WDR64: variants seen among roughly 807,000 people sequenced by gnomAD.
The protein encoded by WDR64 is WD repeat-containing protein 64.
A neutral mutation model predicts 139.3 loss-of-function variants in WDR64; 112 were observed. The observed-to-expected ratio is 0.80, with a 90% CI of 0.69 to 0.94. WDR64 has a LOEUF of 0.94. Among genes scored for constraint, WDR64 ranks in the 40% least tolerant of loss-of-function variants. The pLI is 0.00. For synonymous variants in WDR64, 444 were observed against 437.7 expected (o/e 1.01, Z -0.18); for missense variants, 1,206 against 1,293.1 (o/e 0.93, Z 1.03).
chr1:241,679,603 G>A lies in WDR64; in HGVS notation c.624+8G>A, dbSNP rs1666696705. Reference sequence around the variant, plus strand: ...GCTCAAGGGAGCAGCCAGGTATTGTGCCAAGAGAAATACTCAAAGAAATGA... The same window carrying A: ...GCTCAAGGGAGCAGCCAGGTATTGTACCAAGAGAAATACTCAAAGAAATGA... On this transcript the variant is annotated splice_region_variant and intron_variant, in intron 6 of 27. Transcript: ENST00000437684. 3 of 1,549,766 alleles carry A rather than the reference G, an allele frequency of 1.9e-6. No individual in the cohort carries two copies. Among genetic ancestry groups the A allele is most frequent in the Non-Finnish European group, 2.6e-6 (3 of 1,145,378 alleles).
chr1:241,801,853 A>G lies in WDR64; in HGVS notation c.*638A>G, dbSNP rs1574106467. The stretch of plus-strand genomic sequence containing the variant: ...TAACATGGTAGATTTAACCTTAAAT[A>G]TATCAATAATTATGAAACCTTTAAT... On this transcript the variant is annotated 3_prime_UTR_variant, in exon 28 of 28. Transcript: ENST00000437684. 8 of 398,252 alleles carry G rather than the reference A, an allele frequency of 2.0e-5. No individual in the cohort carries two copies. Among genetic ancestry groups the G allele is most frequent in the African/African-American group, 1.0e-4 (5 of 48,750 alleles). 24.7% of individuals were successfully genotyped at this position (398,252 alleles called of 1,614,324 possible).
At chr1:241,712,232 G>A (rs970960567) in intron 9 of WDR64, among the ~76,000 whole-genome samples, 3 of 151,942 alleles carry the variant, frequency 2.0e-5, no homozygotes, top group Non-Finnish European at 2.9e-5. Flanking sequence ...ATGTGTGTGC[G>A]TGTGCCTTTT....
chr1:241,663,594 T>C (rs1665918709), intron 2 of WDR64, among the ~76,000 whole-genome samples: 1 of 152,264 alleles, frequency 6.6e-6, no homozygotes, highest in Admixed American at 6.5e-5. Flanking sequence ...AGCATTGTTA[T>C]GGACCCCTGG....
At position 241,741,591 on chromosome 1, in the gene WDR64, G is replaced by T. The variant is rs150454119; in HGVS notation, c.1397G>T (p.Arg466Leu). ...AAACAGGTTCCTCACACTCATGAAC[G>T]AGAAATCAATGTCATGCTTTACAAC... ...DTKQVPHTHEREINVMLYNKY... is the reference protein window; with the variant it reads ...DTKQVPHTHELEINVMLYNKY... Residue 466 changes from arginine (R) to leucine (L), a missense_variant, in exon 12 of 28, where the codon CGA (arginine) becomes CTA (leucine). By Grantham distance (102) the Arg-to-Leu change is moderately radical (BLOSUM62 -2). Transcript: ENST00000437684. The T allele has an allele frequency of 2.5e-6, 4 of 1,613,318 alleles. No individual in the cohort carries two copies. The highest frequency in any genetic ancestry group is 2.5e-6 in the Non-Finnish European group (3 of 1,179,816).
chr1:241,668,667 T>C (rs2148068730), intron 2 of WDR64, among the ~76,000 whole-genome samples: 1 of 151,970 alleles, frequency 6.6e-6, no homozygotes. Flanking sequence ...TCCCAGCACT[T>C]TGGGAGGCTG....
At chr1:241,746,236 G>T (rs2148254501) in intron 13 of WDR64, among the ~76,000 whole-genome samples, 1 of 152,198 alleles carries the variant, frequency 6.6e-6, no homozygotes, top group East Asian at 1.9e-4. Flanking sequence ...TGTCGAGCAG[G>T]ATTCGAGCTG....
In WDR64 at chr1:241,687,549, A is replaced by T; in HGVS notation, c.928A>T (p.Asn310Tyr). ...NCFGSCSLDS[N>Y]HSLVLESLKR... ...TTTTGGATCCTGCTCCTTAGACAGT[A>T]ATCATTCATTAGTTTTGGAATCCTT... Residue 310 changes from asparagine (N) to tyrosine (Y), a missense_variant, in exon 8 of 28, where the codon AAT becomes TAT. Coordinates refer to ENST00000437684, the MANE Select transcript of WDR64 (RefSeq NM_001367482.1). 1 of 1,613,752 alleles carries T rather than the reference A, an allele frequency of 6.2e-7. No individual in the cohort carries two copies. Among genetic ancestry groups the T allele is most frequent in the African/African-American group, 1.3e-5 (1 of 75,024 alleles).
intron 9 of WDR64, among the ~76,000 whole-genome samples, chr1:241,713,407 GAGGA>G (rs1668263813): frequency 7.6e-6 from 1 of 131,344 alleles, no homozygotes; most frequent in African/African-American, 2.8e-5. Flanking sequence ...GGGAGGGAGG[GAGGA>G]AGGGAAGGAA....
At chr1:241,744,682 T>C (rs1669685480) in intron 13 of WDR64, among the ~76,000 whole-genome samples, 166 bp downstream of exon 13, 1 of 152,212 alleles carries the variant, frequency 6.6e-6, no homozygotes, top group Admixed American at 6.5e-5. Flanking sequence ...GAGTCCCTTA[T>C]CTAACAGGCA....
At chr1:241,659,236 A>T (rs920522770) in intron 1 of WDR64, among the ~76,000 whole-genome samples, 96 of 152,300 alleles carry the variant, frequency 6.3e-4, no homozygotes, top group African/African-American at 2.3e-3. Context: ...AAAGGACATG[A>T]TCTCATTCCT....
chr1:241,722,544 G>A (rs548637253), intron 9 of WDR64, among the ~76,000 whole-genome samples: 3 of 152,252 alleles, frequency 2.0e-5, no homozygotes, highest in African/African-American at 7.2e-5. Flanking sequence ...TGGACAAGGG[G>A]TTAAGAAATT....
At chr1:241,777,581 C>A (rs573859472) in intron 21 of WDR64, among the ~76,000 whole-genome samples, 1 of 104,660 alleles carries the variant, frequency 9.6e-6, no homozygotes, top group South Asian at 2.2e-4. Flanking sequence ...CCACGGCCAG[C>A]TAATTTTTGT....
chr1:241,713,619 A>G (rs10926544), intron 9 of WDR64, among the ~76,000 whole-genome samples: 91,011 of 151,672 alleles, frequency 0.6, 27,666 homozygotes, highest in Middle Eastern at 0.68. Flanking sequence ...TGCTTGGTGC[A>G]TAATAGGTTC....
intron 8 of WDR64, among the ~76,000 whole-genome samples, chr1:241,690,722 C>T (rs2148124417): frequency 6.6e-6 from 1 of 152,078 alleles, no homozygotes; most frequent in Non-Finnish European, 1.5e-5. Context: ...AGTATACCTG[C>T]TTTTCAAGAA....
At chr1:241,718,867 G>A (rs541106369) in intron 9 of WDR64, among the ~76,000 whole-genome samples, 2 of 152,190 alleles carry the variant, frequency 1.3e-5, no homozygotes, top group East Asian at 3.9e-4. Context: ...GGGGCAGCAG[G>A]AGCTGGTGTC....
intron 10 of WDR64, among the ~76,000 whole-genome samples, chr1:241,733,540 A>T (rs906938038): frequency 1.3e-5 from 2 of 151,894 alleles, no homozygotes; most frequent in African/African-American, 4.8e-5. Context: ...CTACTAGAAG[A>T]TAAATTTTTA....
chr1:241,798,747 T>C (rs1174437870), intron 27 of WDR64, among the ~76,000 whole-genome samples: 1 of 152,190 alleles, frequency 6.6e-6, no homozygotes, highest in Non-Finnish European at 1.5e-5. Flanking sequence ...GAGTAAAAGG[T>C]TCAATAACAG....
chr1:241,747,330 C>T (rs1019607840), intron 13 of WDR64, among the ~76,000 whole-genome samples: 17 of 152,102 alleles, frequency 1.1e-4, no homozygotes, highest in African/African-American at 3.9e-4. Flanking sequence ...GGTCTGTAGT[C>T]TAGTTAATGG....
In WDR64 at chr1:241,703,628, C is replaced by T. The variant is rs923338030; in HGVS notation, c.975-8174C>T. 6.6e-6 allele frequency among the ~76,000 whole-genome samples: 1 copy of T among 152,048 alleles called. No homozygotes were observed. Among genetic ancestry groups the T allele is most frequent in the Non-Finnish European group, 1.5e-5 (1 of 67,996 alleles). On this transcript the variant is annotated intron_variant, in intron 8 of 27. Transcript: ENST00000437684. The surrounding 1 kb of genome is among the most constrained non-coding windows in gnomAD (Gnocchi z 5.9). ...GTTATTGTTAATCAGGTATTTGTCC[C>T]TTAAGGATATTCAAACAATTATTTA...
Sources: gnomAD v4.1 joint callset for allele counts (sites outside exome capture counted in the v4.1 genomes callset) on GRCh38, gnomAD v4.1.1 for gene constraint, Gnocchi (gnomAD v3.1) non-coding constraint, MANE v1.5 for transcripts, NCBI Gene and HGNC (gene_info 2026-07-23, HGNC 2026-07-21) for gene names.